Variants in TANC2 observed in about 807,000 individuals in gnomAD.
The protein encoded by TANC2 is protein TANC2.
A neutral mutation model predicts 210.5 loss-of-function variants in TANC2; 26 were observed. The observed-to-expected ratio is 0.12, with a 90% CI of 0.09 to 0.17. The LOEUF is 0.17. Ranked by LOEUF, TANC2 falls within the 10% of genes least tolerant of loss-of-function variation. The probability of loss-of-function intolerance (pLI) is 1.00; values close to 1 mark genes in which losing one functional copy is unlikely to be tolerated. For synonymous variants in TANC2, 931 were observed against 967.1 expected (o/e 0.96, Z 0.69); for missense variants, 2,129 against 2,608.9 (o/e 0.82, Z 4.01).
In TANC2 at chr17:63,216,111, C is replaced by T. The variant is rs148951843; in HGVS notation, c.769+15154C>T. ...TTGCCCAAGCTGGAGTGCAATGGTG[C>T]GATCTCGGCTCACTGCAGCCTCCAC... On this transcript the variant is annotated intron_variant, in intron 7 of 27. Transcript: ENST00000689528. Among the ~76,000 whole-genome samples the T allele has an allele frequency of 2.4e-3, 365 of 151,804 alleles. 2 individuals carry two copies. Among genetic ancestry groups the T allele is most frequent in the African/African-American group, 8.3e-3 (345 of 41,370 alleles).
chr17:63,196,998 T>A (rs1205397228), intron 6 of TANC2, among the ~76,000 whole-genome samples: 1 of 152,180 alleles, frequency 6.6e-6, no homozygotes, highest in Non-Finnish European at 1.5e-5. Flanking sequence ...TAATGTGAAA[T>A]AATAACACCT....
chr17:63,060,892 T>C (rs1327270518), intron 2 of TANC2, among the ~76,000 whole-genome samples: 3 of 152,186 alleles, frequency 2.0e-5, no homozygotes. Flanking sequence ...TTTTCCATTT[T>C]ATTCTGTTTC....
intron 15 of TANC2, among the ~76,000 whole-genome samples, chr17:63,388,401 A>G (rs982523415): frequency 6.6e-6 from 1 of 152,076 alleles, no homozygotes; most frequent in African/African-American, 2.4e-5. Flanking sequence ...TAGAAAAGAG[A>G]GGTGTTGAGT....
At chr17:63,012,924 G>T (rs1047312020) in intron 2 of TANC2, among the ~76,000 whole-genome samples, 5 of 152,032 alleles carry the variant, frequency 3.3e-5, no homozygotes, top group African/African-American at 1.2e-4. Context: ...CAAAGCATTG[G>T]GATTTCAGGT....
intron 2 of TANC2, among the ~76,000 whole-genome samples, chr17:63,014,682 T>G (rs1032885256): frequency 1.3e-5 from 2 of 152,200 alleles, no homozygotes; most frequent in South Asian, 4.1e-4. Flanking sequence ...CATACTAGAC[T>G]TTTGAATAAC....
chr17:63,076,121 CAGATGA>C (rs1568364940), intron 3 of TANC2, among the ~76,000 whole-genome samples: 1 of 152,102 alleles, frequency 6.6e-6, no homozygotes, highest in African/African-American at 2.4e-5. Context: ...GGTTGAAAGT[CAGATGA>C]AGAAGCATTG....
chr17:63,300,709 A>G (rs1293734691), intron 9 of TANC2, among the ~76,000 whole-genome samples: 1 of 152,196 alleles, frequency 6.6e-6, no homozygotes, highest in African/African-American at 2.4e-5. Flanking sequence ...TAAATATAGA[A>G]TCACGTCTTC....
intron 4 of TANC2, among the ~76,000 whole-genome samples, chr17:63,111,861 G>A (rs930548370): frequency 1.3e-5 from 2 of 152,078 alleles, no homozygotes; most frequent in Non-Finnish European, 2.9e-5. Context: ...GAGTAGCTGG[G>A]ATTACAGGCG....
chr17:63,369,071 G>A (rs553102975), intron 14 of TANC2, among the ~76,000 whole-genome samples: 4 of 152,150 alleles, frequency 2.6e-5, no homozygotes, highest in Non-Finnish European at 2.9e-5. Flanking sequence ...TTGTCCAACT[G>A]GCAGAAAGGG....
At chr17:63,088,539 T>A (rs2144781475) in intron 3 of TANC2, 1 of 152,330 alleles carries the variant, frequency 6.6e-6, no homozygotes. Flanking sequence ...AAGTTTCTGC[T>A]TTTTCCCAGT....
intron 10 of TANC2, among the ~76,000 whole-genome samples, chr17:63,317,798 T>A (rs2045360588): frequency 6.6e-6 from 1 of 152,186 alleles, no homozygotes; most frequent in Admixed American, 6.5e-5. Flanking sequence ...GAAAGTAAGG[T>A]GTTTAGACAA....
At chr17:63,069,898 G>A (rs2036334453) in intron 2 of TANC2, among the ~76,000 whole-genome samples, 1 of 151,984 alleles carries the variant, frequency 6.6e-6, no homozygotes. Flanking sequence ...CTTCTGTTTT[G>A]CCTGGGTCTG....
rs1599072253 is a variant in TANC2, at chr17:63,412,623, C to A, written c.3899-57C>A. ...TTTTTCCTTCTTTTTTTTTTTTTCA[C>A]CTTCATCCATTTTTTTTTCCTCTCC... On this transcript the variant is annotated intron_variant, in intron 23 of 27. Transcript: ENST00000689528. The surrounding 1 kb of genome is among the most constrained non-coding windows in gnomAD (Gnocchi z 4.2). 3 of 1,384,338 alleles carry A rather than the reference C, an allele frequency of 2.2e-6. No individual in the cohort carries two copies. Among genetic ancestry groups the A allele is most frequent in the Non-Finnish European group, 2.9e-6 (3 of 1,021,774 alleles). 85.8% of individuals were successfully genotyped at this position (1,384,338 alleles called of 1,614,324 possible).
intron 9 of TANC2, among the ~76,000 whole-genome samples, chr17:63,270,405 A>G (rs893344994): frequency 6.6e-6 from 1 of 152,160 alleles, no homozygotes; most frequent in Non-Finnish European, 1.5e-5. Flanking sequence ...TTCAGAAAAA[A>G]TCAGATTTGT....
intron 26 of TANC2, 50 bp downstream of exon 26, chr17:63,415,724 C>T (rs2048839111): frequency 6.3e-7 from 1 of 1,587,900 alleles, no homozygotes; most frequent in East Asian, 2.2e-5. Flanking sequence ...TAGCTGATAG[C>T]CTGTGTCACT....
intron 2 of TANC2, among the ~76,000 whole-genome samples, chr17:63,044,615 G>A (rs1009586467): frequency 6.6e-6 from 1 of 152,076 alleles, no homozygotes; most frequent in African/African-American, 2.4e-5. Flanking sequence ...ACCTAGAAAT[G>A]GACTTGCAAA....
chr17:63,248,098 T>G (rs1239021027), intron 8 of TANC2, among the ~76,000 whole-genome samples: 5 of 152,070 alleles, frequency 3.3e-5, no homozygotes, highest in Non-Finnish European at 7.4e-5. Flanking sequence ...AACCACAACC[T>G]CTGGTAGCTT....
intron 11 of TANC2, among the ~76,000 whole-genome samples, chr17:63,325,341 G>A (rs1455194495): frequency 6.6e-6 from 1 of 152,178 alleles, no homozygotes; most frequent in Non-Finnish European, 1.5e-5. Context: ...AAAAAGCTAT[G>A]TCTTGCCTTA....
chr17:63,254,108 T>C (rs2043124623), intron 8 of TANC2, among the ~76,000 whole-genome samples: 1 of 152,196 alleles, frequency 6.6e-6, no homozygotes, highest in Non-Finnish European at 1.5e-5. Context: ...TATTGATTGA[T>C]TCCAGTCAAT....
Sources: allele counts gnomAD v4.1 joint callset (sites outside exome capture counted in the v4.1 genomes callset), GRCh38; gene constraint gnomAD v4.1.1; non-coding constraint Gnocchi (gnomAD v3.1); transcripts MANE v1.5; gene names NCBI Gene and HGNC (gene_info 2026-07-23, HGNC 2026-07-21).